Variants in LHFPL3 observed in about 807,000 individuals in gnomAD.
LHFPL3 encodes the protein LHFPL tetraspan subfamily member 3.
A neutral mutation model predicts 19.3 loss-of-function variants in LHFPL3; 5 were observed. The observed-to-expected ratio is 0.26, with a 90% confidence interval of 0.14 to 0.54. LHFPL3 has a LOEUF of 0.54. Ranked by LOEUF, LHFPL3 falls within the 20% of genes least tolerant of loss-of-function variation. The pLI is 0.94. For synonymous variants in LHFPL3, 133 were observed against 126.2 expected (o/e 1.05, Z -0.36); for missense variants, 249 against 307.4 (o/e 0.81, Z 1.42).
intron 1 of LHFPL3, among the ~76,000 whole-genome samples, chr7:104,686,868 C>T (rs890031171): frequency 2.0e-5 from 3 of 152,202 alleles, no homozygotes; most frequent in Non-Finnish European, 4.4e-5. Flanking sequence ...CAAACAGGTC[C>T]TTTTTCACAT....
At chr7:104,870,947 G>A (rs1791823627) in intron 2 of LHFPL3, among the ~76,000 whole-genome samples, 1 of 152,188 alleles carries the variant, frequency 6.6e-6, no homozygotes. Context: ...TATAGGCAGT[G>A]TAAATGAACC....
At chr7:104,451,574 C>T (rs1312563881) in intron 1 of LHFPL3, among the ~76,000 whole-genome samples, 2 of 151,800 alleles carry the variant, frequency 1.3e-5, no homozygotes, top group Non-Finnish European at 2.9e-5. Flanking sequence ...AATCATACCA[C>T]ACATATCATA....
intron 1 of LHFPL3, among the ~76,000 whole-genome samples, chr7:104,370,602 G>A (rs939596627): frequency 8.5e-5 from 13 of 152,206 alleles, no homozygotes; most frequent in African/African-American, 3.1e-4. Context: ...TGAGGATAGG[G>A]CCGGATGTGG....
Position 104,733,490 on chromosome 7 carries a change from C to G in LHFPL3, c.446-3185C>G, listed in dbSNP as rs28821629. On this transcript the variant is annotated intron_variant, in intron 1 of 2. Coordinates refer to ENST00000424859, the MANE Select transcript of LHFPL3 (RefSeq NM_199000.3). ...ACCATTATGTAATGGCCTTCTTTGT[C>G]TCTTTTGATCTTTGTTGTTTTAAAG... Among the ~76,000 whole-genome samples, 860 of 152,244 alleles carry G rather than the reference C, an allele frequency of 5.6e-3. 7 individuals carry two copies. Among genetic ancestry groups the G allele is most frequent in the African/African-American group, 0.019 (796 of 41,542 alleles).
chr7:104,547,369 G>A (rs1370607813), intron 1 of LHFPL3, among the ~76,000 whole-genome samples: 1 of 151,552 alleles, frequency 6.6e-6, no homozygotes, highest in Non-Finnish European at 1.5e-5. Context: ...AGTTGCATTG[G>A]TTACTTCAAA....
intron 2 of LHFPL3, among the ~76,000 whole-genome samples, chr7:104,765,552 C>A (rs1184566895): frequency 1.3e-5 from 2 of 152,196 alleles, no homozygotes; most frequent in African/African-American, 4.8e-5. Context: ...TTTCAACCTA[C>A]CTTTTGCAAA....
intron 1 of LHFPL3, among the ~76,000 whole-genome samples, chr7:104,657,405 C>T (rs772530096): frequency 1.6e-4 from 24 of 152,242 alleles, no homozygotes; most frequent in Non-Finnish European, 2.9e-4. Flanking sequence ...ATTCTTCAGG[C>T]AGAAGGTCAC....
intron 1 of LHFPL3, among the ~76,000 whole-genome samples, chr7:104,402,716 C>T (rs1186872368): frequency 2.0e-5 from 3 of 152,186 alleles, no homozygotes; most frequent in Admixed American, 6.5e-5. Context: ...TTATATTTGA[C>T]AGATAAGAAA....
intron 2 of LHFPL3, chr7:104,803,380 A>G (rs1291954877): frequency 6.6e-6 from 1 of 152,246 alleles, no homozygotes; most frequent in Non-Finnish European, 1.5e-5. Flanking sequence ...TTCCAAGGCC[A>G]TAACCATATG....
At chr7:104,877,741 A>G (rs1791976240) in intron 2 of LHFPL3, among the ~76,000 whole-genome samples, 1 of 152,196 alleles carries the variant, frequency 6.6e-6, no homozygotes, top group African/African-American at 2.4e-5. Context: ...AAACAGAGTT[A>G]CCATATGACC....
chr7:104,563,015 C>A (rs542465732), intron 1 of LHFPL3, among the ~76,000 whole-genome samples: 2 of 152,320 alleles, frequency 1.3e-5, no homozygotes, highest in South Asian at 2.1e-4. Context: ...GTCAGGGACC[C>A]ACTTGAGGAG....
chr7:104,723,949 C>T (rs576154647), intron 1 of LHFPL3, among the ~76,000 whole-genome samples: 2 of 152,132 alleles, frequency 1.3e-5, no homozygotes, highest in South Asian at 2.1e-4. Flanking sequence ...TGTCCTGGTG[C>T]CTTGTATACT....
At chr7:104,789,489 G>C (rs1442882526) in intron 2 of LHFPL3, among the ~76,000 whole-genome samples, 1 of 152,074 alleles carries the variant, frequency 6.6e-6, no homozygotes, top group South Asian at 2.1e-4. Flanking sequence ...TTCATGGAAA[G>C]CCACTATGCA....
intron 1 of LHFPL3, among the ~76,000 whole-genome samples, chr7:104,644,799 G>A (rs113216598): frequency 0.032 from 4,806 of 152,074 alleles, 259 homozygotes; most frequent in African/African-American, 0.11. Flanking sequence ...TGGTTTCCCG[G>A]CCCTGCTGAA....
chr7:104,899,773 C>T (rs943249186), intron 2 of LHFPL3, among the ~76,000 whole-genome samples: 1 of 152,038 alleles, frequency 6.6e-6, no homozygotes, highest in African/African-American at 2.4e-5. Context: ...ACTCTGTCAC[C>T]CAGGTTGGAG....
chr7:104,455,706 G>A (rs1792525281), intron 1 of LHFPL3, among the ~76,000 whole-genome samples: 1 of 152,154 alleles, frequency 6.6e-6, no homozygotes, highest in East Asian at 1.9e-4. Context: ...GAGCAAAACA[G>A]TGAGGCTCCA....
intron 1 of LHFPL3, among the ~76,000 whole-genome samples, chr7:104,621,612 A>C (rs1791447917): frequency 1.3e-5 from 2 of 152,164 alleles, no homozygotes; most frequent in Non-Finnish European, 1.5e-5. Flanking sequence ...TCGCTTAATC[A>C]TATTGCCGTC....
At chr7:104,468,871 G>T (rs944816034) in intron 1 of LHFPL3, among the ~76,000 whole-genome samples, 1 of 152,096 alleles carries the variant, frequency 6.6e-6, no homozygotes, top group African/African-American at 2.4e-5. Context: ...ATGTTGGCCA[G>T]GCTGGTCTTG....
chr7:104,477,782 C>G (rs1793052787), intron 1 of LHFPL3, among the ~76,000 whole-genome samples: 2 of 151,992 alleles, frequency 1.3e-5, no homozygotes, highest in African/African-American at 2.4e-5. Flanking sequence ...GGAATGCATT[C>G]CTACATACAA....
Sources: gnomAD v4.1 joint callset for allele counts (sites outside exome capture counted in the v4.1 genomes callset) on GRCh38, gnomAD v4.1.1 for gene constraint, MANE v1.5 for transcripts, NCBI Gene and HGNC (gene_info 2026-07-23, HGNC 2026-07-21) for gene names.